LMBR1: variants seen among roughly 807,000 people sequenced by gnomAD.
The protein encoded by LMBR1 is limb development membrane protein 1, also known as limb region 1 protein homolog.
Under a neutral mutation model 73.9 loss-of-function variants are expected in LMBR1, and 52 were observed. The observed-to-expected ratio is 0.70, with a 90% CI of 0.56 to 0.89. The LOEUF (loss-of-function observed/expected upper bound fraction) is 0.89. Among genes scored for constraint, LMBR1 ranks in the 40% least tolerant of loss-of-function variants. LMBR1 has a pLI of 0.00. For synonymous variants in LMBR1, 215 were observed against 209.4 expected (o/e 1.03, Z -0.23); for missense variants, 539 against 579.8 (o/e 0.93, Z 0.72).
At chr7:156,835,594 C>T (rs571135429) in intron 2 of LMBR1, among the ~76,000 whole-genome samples, 1 of 151,400 alleles carries the variant, frequency 6.6e-6, no homozygotes, top group South Asian at 2.1e-4. Flanking sequence ...ACTAGGGAGG[C>T]TGAGGCAGGA....
intron 15 of LMBR1, among the ~76,000 whole-genome samples, chr7:156,721,571 C>T (rs1329063713): frequency 6.6e-6 from 1 of 152,024 alleles, no homozygotes; most frequent in African/African-American, 2.4e-5. Flanking sequence ...TCAAATCTCC[C>T]CAAATTTTGG....
intron 15 of LMBR1, among the ~76,000 whole-genome samples, chr7:156,716,650 T>C (rs1813277143): frequency 1.3e-5 from 2 of 152,216 alleles, no homozygotes; most frequent in African/African-American, 4.8e-5. Context: ...TTTCTTTTGG[T>C]TTGGTTTGAT....
At chr7:156,839,273 T>A (rs928487335) in intron 1 of LMBR1, among the ~76,000 whole-genome samples, 5 of 152,070 alleles carry the variant, frequency 3.3e-5, no homozygotes, top group Non-Finnish European at 5.9e-5. Context: ...GGTCTCGAAC[T>A]CCTGACCACA....
rs1804408077 is a variant in LMBR1, at chr7:156,678,237, G to A, written c.*5841C>T. 1 of 152,228 alleles carries A rather than the reference G, an allele frequency of 6.6e-6. No homozygotes were observed. Among genetic ancestry groups the A allele is most frequent in the South Asian group, 2.1e-4 (1 of 4,832 alleles). The allele number at this position is 152,228 out of a possible 1,614,324, so 9.4% of individuals were successfully genotyped here. On this transcript the variant is annotated 3_prime_UTR_variant, in exon 17 of 17. Transcript: ENST00000353442. ...GACACAGGAACTAGTGTTAGTTGCAGGCAACAGATACTTAGGAAAATCGGT... is the reference window on the plus strand; with the variant it reads ...GACACAGGAACTAGTGTTAGTTGCAAGCAACAGATACTTAGGAAAATCGGT...
intron 1 of LMBR1, among the ~76,000 whole-genome samples, chr7:156,862,615 C>T (rs540989277): frequency 6.6e-6 from 1 of 152,160 alleles, no homozygotes; most frequent in East Asian, 1.9e-4. Flanking sequence ...TAAAACTTCG[C>T]TCTGCAAAAG....
At chr7:156,700,908 G>C (rs572517740) in intron 15 of LMBR1, among the ~76,000 whole-genome samples, 2 of 152,306 alleles carry the variant, frequency 1.3e-5, no homozygotes, top group South Asian at 2.1e-4. Flanking sequence ...ACTCATGGTT[G>C]CATGTGGCTG....
chr7:156,726,848 C>T (rs1176149797), intron 12 of LMBR1, among the ~76,000 whole-genome samples: 1 of 152,082 alleles, frequency 6.6e-6, no homozygotes, highest in Non-Finnish European at 1.5e-5. Context: ...AGGAGAAGCA[C>T]ATGTTTATCT....
At chr7:156,798,041 A>T (rs551086217) in intron 4 of LMBR1, among the ~76,000 whole-genome samples, 1 of 152,272 alleles carries the variant, frequency 6.6e-6, no homozygotes, top group African/African-American at 2.4e-5. Flanking sequence ...CAATTGTTTT[A>T]TTGTGCTAAT....
intron 4 of LMBR1, among the ~76,000 whole-genome samples, chr7:156,826,068 C>T (rs1835634852): frequency 6.6e-6 from 1 of 152,244 alleles, no homozygotes; most frequent in African/African-American, 2.4e-5. Context: ...CAATCTCCAC[C>T]TCCCAGGTTC....
At chr7:156,738,381 T>C (rs974313060) in intron 9 of LMBR1, among the ~76,000 whole-genome samples, 1 of 152,118 alleles carries the variant, frequency 6.6e-6, no homozygotes, top group Non-Finnish European at 1.5e-5. Flanking sequence ...TGCTCTGGGG[T>C]CCTAAGTAAA....
At chr7:156,867,796 T>C (rs993130873) in intron 1 of LMBR1, among the ~76,000 whole-genome samples, 2 of 152,198 alleles carry the variant, frequency 1.3e-5, no homozygotes, top group Non-Finnish European at 2.9e-5. Context: ...AGGGGATGAC[T>C]GCTACTGAAC....
intron 15 of LMBR1, among the ~76,000 whole-genome samples, chr7:156,702,734 G>C (rs1810060806): frequency 6.6e-6 from 1 of 152,162 alleles, no homozygotes. Context: ...CTTAGCATAT[G>C]ATCCAAGAAA....
intron 5 of LMBR1, among the ~76,000 whole-genome samples, chr7:156,783,785 T>C (rs1827584524): frequency 6.6e-6 from 1 of 152,176 alleles, no homozygotes; most frequent in Non-Finnish European, 1.5e-5. Flanking sequence ...CTATCCCTTC[T>C]AGACACTGCT....
chr7:156,680,403 A>AGAGAGAGAGAGAGTGTGTGTGTGT lies in LMBR1; in HGVS notation c.*3674_*3675insACACACACACACTCTCTCTCTCTC, dbSNP rs1343950098. On this transcript the variant is annotated 3_prime_UTR_variant, in exon 17 of 17. Transcript: ENST00000353442. ...GAGAGAGAGAGAGAGAGAGAGAGAGAGTGTGTGTGTGTGTGTGTGTGTAAT... is the reference window on the plus strand; with the variant it reads ...GAGAGAGAGAGAGAGAGAGAGAGAGAGAGAGAGAGAGAGTGTGTGTGTGTGTGTGTGTGTGTGTGTGTGTGTAAT... The AGAGAGAGAGAGAGTGTGTGTGTGT allele has an allele frequency of 7.6e-4, 95 of 125,146 alleles. No individual in the cohort carries two copies. Among genetic ancestry groups the AGAGAGAGAGAGAGTGTGTGTGTGT allele is most frequent in the African/African-American group, 2.8e-3 (92 of 32,646 alleles). The allele number at this position is 125,146 out of a possible 1,614,324, so 7.8% of individuals were successfully genotyped here.
At chr7:156,676,417 A>G (rs1167803678), downstream of LMBR1, 1 of 1,614,032 alleles carries the variant, frequency 6.2e-7, no homozygotes. Context: ...TGTGTGCCGC[A>G]GGCTCTGCGC....
At chr7:156,882,728 T>G (rs1439690103) in intron 1 of LMBR1, among the ~76,000 whole-genome samples, 2 of 151,568 alleles carry the variant, frequency 1.3e-5, no homozygotes, top group African/African-American at 4.9e-5. Flanking sequence ...ACAATATAAT[T>G]GCACACTTAA....
chr7:156,690,603 T>C (rs1170128503), intron 15 of LMBR1, among the ~76,000 whole-genome samples: 1 of 152,202 alleles, frequency 6.6e-6, no homozygotes, highest in Non-Finnish European at 1.5e-5. Flanking sequence ...CTTAGACATA[T>C]CTAGGCAAAG....
chr7:156,813,322 A>G (rs1833406628), intron 4 of LMBR1, among the ~76,000 whole-genome samples: 1 of 152,124 alleles, frequency 6.6e-6, no homozygotes, highest in African/African-American at 2.4e-5. Flanking sequence ...TTCACTACCT[A>G]TCTATCCTAA....
chr7:156,873,894 T>C (rs1799731652), intron 1 of LMBR1, among the ~76,000 whole-genome samples: 1 of 152,218 alleles, frequency 6.6e-6, no homozygotes, highest in South Asian at 2.1e-4. Flanking sequence ...GAGCTAGACA[T>C]AAAGACTCTC....
Sources: gnomAD v4.1 joint callset for allele counts (sites outside exome capture counted in the v4.1 genomes callset) on GRCh38, gnomAD v4.1.1 for gene constraint, MANE v1.5 for transcripts, NCBI Gene and HGNC (gene_info 2026-07-23, HGNC 2026-07-21) for gene names.